PRKN: variants seen among roughly 807,000 people sequenced by gnomAD.
PRKN encodes the protein parkin RBR E3 ubiquitin protein ligase.
A neutral mutation model predicts 59.5 loss-of-function variants in PRKN; 56 were observed. The observed-to-expected ratio is 0.94, with a 90% CI of 0.76 to 1.18. The LOEUF (loss-of-function observed/expected upper bound fraction) is 1.18, where lower values mean the gene tolerates loss of function less well. Ranked by LOEUF, PRKN falls within the 50% of genes most tolerant of loss-of-function variation. The pLI is 0.00. For missense variants in PRKN, 657 were observed against 596.4 expected (o/e 1.10, Z -1.06); for synonymous variants, 250 against 222.1 (o/e 1.13, Z -1.12).
rs1014779811 is a variant in PRKN at position 161,592,142 on chromosome 6, C to T, written c.872-22726G>A. Among the ~76,000 whole-genome samples, 6 of 151,954 alleles carry T rather than the reference C, an allele frequency of 3.9e-5. No individual in the cohort carries two copies. The highest frequency in any genetic ancestry group is 7.2e-5 in the African/African-American group (3 of 41,380). On this transcript the variant is annotated intron_variant, in intron 7 of 11. Transcript: ENST00000366898. The surrounding 1 kb of genome is among the most constrained non-coding windows in gnomAD (Gnocchi z 4.8). ...GCAATTTTATTTGTATTATTTTTAT[C>T]GTTGTGTCATTTTTTATGTTCATTT... is the stretch of plus-strand genomic sequence containing the variant.
chr6:162,202,069 A>G (rs6923402), intron 3 of PRKN, among the ~76,000 whole-genome samples: 10,796 of 152,226 alleles, frequency 0.071, 1,203 homozygotes, highest in African/African-American at 0.24. Context: ...CTTCTTCCTG[A>G]ATTTCTAAAT....
At chr6:162,289,306 T>C (rs964323322) in intron 2 of PRKN, among the ~76,000 whole-genome samples, 2 of 152,170 alleles carry the variant, frequency 1.3e-5, no homozygotes, top group Non-Finnish European at 2.9e-5. Flanking sequence ...CTTATCATAT[T>C]GGATTAAGGC....
At chr6:161,435,391 T>C (rs551775707) in intron 9 of PRKN, among the ~76,000 whole-genome samples, 7 of 152,258 alleles carry the variant, frequency 4.6e-5, no homozygotes, top group Non-Finnish European at 1.0e-4. Context: ...AGGGATCGTG[T>C]GAAGGTAAGT....
intron 5 of PRKN, among the ~76,000 whole-genome samples, chr6:161,986,503 T>A (rs1369241481): frequency 6.6e-6 from 1 of 152,076 alleles, no homozygotes; most frequent in Admixed American, 6.5e-5. Flanking sequence ...TTTTTTTTTT[T>A]TTTTTAAGAC....
chr6:161,754,917 T>C (rs955419241), intron 7 of PRKN, among the ~76,000 whole-genome samples: 8 of 152,166 alleles, frequency 5.3e-5, no homozygotes, highest in African/African-American at 1.7e-4. Flanking sequence ...CCAAACAATG[T>C]TGAAGATGGC....
At chr6:161,532,166 C>CTATATATA (rs200674940) in intron 9 of PRKN, among the ~76,000 whole-genome samples, 3 of 115,420 alleles carry the variant, frequency 2.6e-5, no homozygotes, top group Non-Finnish European at 3.7e-5. Context: ...CTCTCTCTCT[C>CTATATATA]TATATATATA....
At chr6:162,025,167 C>T (rs1033138664) in intron 5 of PRKN, among the ~76,000 whole-genome samples, 31 of 151,804 alleles carry the variant, frequency 2.0e-4, no homozygotes, top group Non-Finnish European at 3.7e-4. Context: ...AGGCACCTGC[C>T]ACCACGCCTG....
rs1310175793 is a variant in PRKN, at chr6:161,442,012, T to C, written c.1084-55135A>G. On this transcript the variant is annotated intron_variant, in intron 9 of 11. Coordinates refer to ENST00000366898, the MANE Select transcript of PRKN (RefSeq NM_004562.3). This position sits in a 1 kb window ranked among gnomAD's most constrained non-coding sequence, Gnocchi z 4.6. ...GACATCGCCAATGAGTTTCTGGTTTTCACTTCAGAAGTTATAGAGACGATG... is the reference window on the plus strand; with the variant it reads ...GACATCGCCAATGAGTTTCTGGTTTCCACTTCAGAAGTTATAGAGACGATG... 6.6e-6 allele frequency among the ~76,000 whole-genome samples: 1 copy of C among 152,222 alleles called. No homozygotes were observed. The highest frequency in any genetic ancestry group is 1.5e-5 in the Non-Finnish European group (1 of 68,048).
At chr6:162,174,270 G>A (rs1783430817) in intron 4 of PRKN, among the ~76,000 whole-genome samples, 1 of 152,136 alleles carries the variant, frequency 6.6e-6, no homozygotes, top group Admixed American at 6.5e-5. Flanking sequence ...TATATTTGCT[G>A]ATGTGAGGCT....
intron 7 of PRKN, among the ~76,000 whole-genome samples, chr6:161,740,420 G>A (rs1788139605): frequency 6.6e-6 from 1 of 152,148 alleles, no homozygotes; most frequent in Non-Finnish European, 1.5e-5. Flanking sequence ...CTGTTTCACT[G>A]GGACTGCAGG....
chr6:162,707,584 T>G (rs1485067699), intron 1 of PRKN, among the ~76,000 whole-genome samples: 9 of 151,988 alleles, frequency 5.9e-5, no homozygotes, highest in Non-Finnish European at 1.3e-4. Context: ...CTATTTTTTT[T>G]TTTTTTTTCC....
chr6:161,396,900 T>A lies in PRKN; in HGVS notation c.1084-10023A>T, dbSNP rs1786785537. Among the ~76,000 whole-genome samples, 1 of 152,202 alleles carries A rather than the reference T, an allele frequency of 6.6e-6. No homozygotes were observed. ...CACCCTGCCAGCACATCTTACAGACTTTTGTCTTTGGAGGTTTTGCAGCTC... is the reference window on the plus strand; with the variant it reads ...CACCCTGCCAGCACATCTTACAGACATTTGTCTTTGGAGGTTTTGCAGCTC... On this transcript the variant is annotated intron_variant, in intron 9 of 11. Coordinates refer to ENST00000366898, the MANE Select transcript of PRKN (RefSeq NM_004562.3). The surrounding 1 kb of genome is among the most constrained non-coding windows in gnomAD (Gnocchi z 5.4).
Position 161,466,740 on chromosome 6 carries a change from C to G in PRKN, c.1084-79863G>C, listed in dbSNP as rs546867231. ...CACAGACATACAAACAACCCAAGGA[C>G]AGGCTTTCTGACAAGTGATTGATAG... On this transcript the variant is annotated intron_variant, in intron 9 of 11. Transcript: ENST00000366898. The surrounding 1 kb of genome is among the most constrained non-coding windows in gnomAD (Gnocchi z 5.0). 1.3e-5 allele frequency among the ~76,000 whole-genome samples: 2 copies of G among 152,250 alleles called. No individual in the cohort carries two copies. Among genetic ancestry groups the G allele is most frequent in the South Asian group, 4.1e-4 (2 of 4,832 alleles).
At chr6:162,455,580 C>T (rs1790833385) in intron 1 of PRKN, among the ~76,000 whole-genome samples, 1 of 151,924 alleles carries the variant, frequency 6.6e-6, no homozygotes, top group Non-Finnish European at 1.5e-5. Flanking sequence ...ATATGTGGTC[C>T]CTCATTGACT....
chr6:161,398,937 T>C (rs1459993554), intron 9 of PRKN, among the ~76,000 whole-genome samples: 1 of 152,172 alleles, frequency 6.6e-6, no homozygotes, highest in Non-Finnish European at 1.5e-5. Context: ...CCCATGGCCC[T>C]AAATGGGAAC....
chr6:162,645,761 C>T (rs1261008219), intron 1 of PRKN, among the ~76,000 whole-genome samples: 1 of 152,200 alleles, frequency 6.6e-6, no homozygotes, highest in East Asian at 1.9e-4. Context: ...CTTCTATTCA[C>T]GTACTCTACG....
At chr6:162,007,635 A>T (rs1782307844) in intron 5 of PRKN, among the ~76,000 whole-genome samples, 1 of 152,134 alleles carries the variant, frequency 6.6e-6, no homozygotes, top group African/African-American at 2.4e-5. Flanking sequence ...TCAACAAAAT[A>T]TTAGTAATCC....
chr6:162,241,498 G>A (rs1583253407), intron 3 of PRKN, among the ~76,000 whole-genome samples: 1 of 152,090 alleles, frequency 6.6e-6, no homozygotes, highest in East Asian at 1.9e-4. Flanking sequence ...ATTGAGAAGT[G>A]AGAAGTGGTT....
At position 161,580,105 on chromosome 6, in the gene PRKN, C is replaced by G. The variant is rs1050414854; in HGVS notation, c.872-10689G>C. Among the ~76,000 whole-genome samples the G allele has an allele frequency of 4.6e-5, 7 of 152,278 alleles. No homozygotes were observed. The East Asian group carries it at 1.4e-3, about 29-fold the overall frequency. On this transcript the variant is annotated intron_variant, in intron 7 of 11. Transcript: ENST00000366898. ...ATCCAATTTAAAAGACAACTAATAGCTTCTATGATGCGGGAAAACCCACAC... is the reference window on the plus strand; with the variant it reads ...ATCCAATTTAAAAGACAACTAATAGGTTCTATGATGCGGGAAAACCCACAC...
Sources: allele counts gnomAD v4.1 joint callset (sites outside exome capture counted in the v4.1 genomes callset), GRCh38; gene constraint gnomAD v4.1.1; non-coding constraint Gnocchi (gnomAD v3.1); transcripts MANE v1.5; gene names NCBI Gene and HGNC (gene_info 2026-07-23, HGNC 2026-07-21).